Variants in EPHA7 observed in about 807,000 individuals in gnomAD.
EPHA7 encodes the protein ephrin type-A receptor 7.
EPHA7 carries 25 observed loss-of-function variants against 112.6 expected under a neutral mutation model. That is an observed-to-expected ratio of 0.22 (90% CI 0.16 to 0.31). The LOEUF (loss-of-function observed/expected upper bound fraction) is 0.31. Ranked by LOEUF, EPHA7 falls within the 10% of genes least tolerant of loss-of-function variation. EPHA7 has a pLI of 1.00. For missense variants in EPHA7, 962 were observed against 1,212.6 expected (o/e 0.79, Z 3.07); for synonymous variants, 437 against 406.5 (o/e 1.07, Z -0.90).
In EPHA7 at chr6:93,375,016, T is replaced by C. The variant is rs556219734; in HGVS notation, c.833-16605A>G. ...CAATCTGTTTAACTGCCTCATTATA[T>C]AAACCATGTAACTAAATGTCTGAAA... On this transcript the variant is annotated intron_variant, in intron 3 of 16. Transcript: ENST00000369303. Among the ~76,000 whole-genome samples the C allele has an allele frequency of 2.6e-5, 4 of 152,296 alleles. No individual in the cohort carries two copies. The East Asian group carries it at 5.8e-4, about 22-fold the overall frequency.
intron 1 of EPHA7, among the ~76,000 whole-genome samples, chr6:93,416,973 C>T (rs1326359210): frequency 6.6e-6 from 1 of 152,130 alleles, no homozygotes; most frequent in African/African-American, 2.4e-5. Context: ...TCCAGGGAGC[C>T]GGTGGCGCCC....
intron 5 of EPHA7, among the ~76,000 whole-genome samples, chr6:93,280,137 G>A (rs1033376413): frequency 6.6e-6 from 1 of 152,100 alleles, no homozygotes; most frequent in African/African-American, 2.4e-5. Flanking sequence ...GAACATGAAT[G>A]CTCACAAACA....
At chr6:93,418,175 G>T (rs1779339578) in intron 1 of EPHA7, among the ~76,000 whole-genome samples, 1 of 150,806 alleles carries the variant, frequency 6.6e-6, no homozygotes, top group African/African-American at 2.4e-5. Context: ...GACGGGATGA[G>T]GGGGGTTGGG....
At chr6:93,257,591 C>A (rs946275697) in intron 11 of EPHA7, 68 bp from the exon 12 acceptor site, 2 of 958,992 alleles carry the variant, frequency 2.1e-6, no homozygotes, top group Non-Finnish European at 3.2e-6. Flanking sequence ...TTTCTCATCC[C>A]CCAATAAAAC....
intron 3 of EPHA7, among the ~76,000 whole-genome samples, chr6:93,378,327 T>TA (rs2127967942): frequency 6.6e-6 from 1 of 152,150 alleles, no homozygotes; most frequent in South Asian, 2.1e-4. Flanking sequence ...TTTTAAAAGA[T>TA]AGTGTTATGA....
chr6:93,269,047 A>G lies in EPHA7; in HGVS notation c.1633+430T>C, dbSNP rs543510968. Among the ~76,000 whole-genome samples the G allele has an allele frequency of 2.6e-5, 4 of 151,938 alleles. No individual in the cohort carries two copies. In the South Asian group the frequency reaches 6.2e-4, roughly 24 times the overall value. ...TAAAGGGCAATTCACTTAAATTAAT[A>G]CAGGTTCTTAGATACCATCTTTCTC... On this transcript the variant is annotated intron_variant, in intron 7 of 16. Coordinates refer to ENST00000369303, the MANE Select transcript of EPHA7 (RefSeq NM_004440.4).
At chr6:93,387,669 T>C (rs1777680612) in intron 3 of EPHA7, among the ~76,000 whole-genome samples, 2 of 152,068 alleles carry the variant, frequency 1.3e-5, no homozygotes, top group African/African-American at 2.4e-5. Context: ...AGTAAACTTA[T>C]GATCATGGAG....
chr6:93,323,030 C>CA lies in EPHA7; in HGVS notation c.1324+33686dup, dbSNP rs113319073. On this transcript the variant is annotated intron_variant, in intron 5 of 16. Transcript: ENST00000369303. ...ATTAATATGGTATTCAAAGGGGAAA[C>CA]AAAAAAAAGATGTGAAAACTTTTTG... is the stretch of plus-strand genomic sequence containing the variant. Among the ~76,000 whole-genome samples, 754 of 150,890 alleles carry CA rather than the reference C, an allele frequency of 5.0e-3. 12 individuals carry two copies. Among genetic ancestry groups the CA allele is most frequent in the African/African-American group, 0.018 (727 of 41,292 alleles).
chr6:93,411,003 G>A lies in EPHA7; in HGVS notation c.330C>T (p.Asn110=). The change falls in exon 3 of 17, where the codon AAC becomes AAT. Residue 110 remains asparagine, a synonymous_variant. Transcript: ENST00000369303. ...VELKFTLRDC[N]SLPGVLGTCK... The stretch of plus-strand genomic sequence containing the variant: ...AAGTTCCCAGTACTCCAGGAAGACT[G>A]TTACAATCCCTCAGGGTGAATTTCA... 1 of 1,614,084 alleles carries A rather than the reference G, an allele frequency of 6.2e-7. No individual in the cohort carries two copies. Among genetic ancestry groups the A allele is most frequent in the Non-Finnish European group, 8.5e-7 (1 of 1,179,976 alleles).
At chr6:93,325,668 G>A (rs917764843) in intron 5 of EPHA7, among the ~76,000 whole-genome samples, 7 of 151,222 alleles carry the variant, frequency 4.6e-5, no homozygotes, top group African/African-American at 1.7e-4. Flanking sequence ...TCTTGGTATT[G>A]AAAACAGGTG....
At chr6:93,352,334 A>C (rs1372796552) in intron 5 of EPHA7, among the ~76,000 whole-genome samples, 1 of 152,144 alleles carries the variant, frequency 6.6e-6, no homozygotes, top group South Asian at 2.1e-4. Flanking sequence ...CTTCTGTGCT[A>C]CGATACTTAG....
chr6:93,386,599 C>G (rs1445922635), intron 3 of EPHA7, among the ~76,000 whole-genome samples: 1 of 152,148 alleles, frequency 6.6e-6, no homozygotes, highest in Non-Finnish European at 1.5e-5. Context: ...CCCAGCTCCA[C>G]TAGGCAATGC....
chr6:93,321,711 C>T (rs903078620), intron 5 of EPHA7, among the ~76,000 whole-genome samples: 3 of 151,870 alleles, frequency 2.0e-5, no homozygotes, highest in Non-Finnish European at 4.4e-5. Context: ...AGGAGATATT[C>T]CCTCTCCAGG....
In EPHA7 at chr6:93,259,360, C is replaced by G; in HGVS notation, c.1918G>C (p.Gly640Arg). 1 of 1,611,562 alleles carries G rather than the reference C, an allele frequency of 6.2e-7. No homozygotes were observed. Among genetic ancestry groups the G allele is most frequent in the Non-Finnish European group, 8.5e-7 (1 of 1,178,166 alleles). ...GAAGCTACAATAGCCTTACCTGCAC[C>G]AATCACACGCTCAATTTTAATACAG... ...ASCIKIERVI[G>R]AGEFGEVCSG... is the part of the protein sequence containing the mutation. The change falls in exon 10 of 17, where the codon GGT becomes CGT. Residue 640 changes from glycine to arginine, a missense_variant. By Grantham distance (125) the Gly-to-Arg change is moderately radical. Around this residue, in one of 3 missense-constraint regions of EPHA7, gnomAD observed 746 missense variants for 889.2 expected, o/e 0.84. Transcript: ENST00000369303.
chr6:93,383,210 T>C (rs1777429590), intron 3 of EPHA7, among the ~76,000 whole-genome samples: 2 of 151,728 alleles, frequency 1.3e-5, no homozygotes, highest in Admixed American at 6.6e-5. Context: ...TATATACATA[T>C]ATACATACAC....
Position 93,410,578 on chromosome 6 carries a change from G to T in EPHA7, c.755C>A (p.Ala252Glu), listed in dbSNP as rs2127994308. 6.2e-7 allele frequency: 1 copy of T among 1,613,970 alleles called. No homozygotes were observed. The highest frequency in any genetic ancestry group is 8.5e-7 in the Non-Finnish European group (1 of 1,179,942). The change falls in exon 3 of 17, where the codon GCA (alanine) becomes GAA (glutamate). Residue 252 changes from alanine (A) to glutamate (E), a missense_variant. Ala to Glu is a moderately radical substitution (Grantham distance 107). This residue lies in a region of EPHA7 where 160 missense variants were observed against 263.6 expected (regional missense o/e 0.61). Coordinates refer to ENST00000369303, the MANE Select transcript of EPHA7 (RefSeq NM_004440.4). The surrounding 1 kb of genome is among the most constrained non-coding windows in gnomAD (Gnocchi z 4.0). ...AATGGGCACTAACCATTCTCCTTCTGCACTGCAGTGCATCCTGGGGGCGTT... is the reference window on the plus strand; with the variant it reads ...AATGGGCACTAACCATTCTCCTTCTTCACTGCAGTGCATCCTGGGGGCGTT... ...AENAPRMHCSAEGEWLVPIGK... is the reference protein window; with the variant it reads ...AENAPRMHCSEEGEWLVPIGK...
intron 3 of EPHA7, among the ~76,000 whole-genome samples, chr6:93,378,579 C>T (rs1270419513): frequency 6.6e-6 from 1 of 152,026 alleles, no homozygotes; most frequent in Non-Finnish European, 1.5e-5. Context: ...ATCCAGAATA[C>T]ATCAAGCAGA....
At chr6:93,353,783 C>T (rs1430342714) in intron 5 of EPHA7, among the ~76,000 whole-genome samples, 3 of 151,628 alleles carry the variant, frequency 2.0e-5, no homozygotes, top group Admixed American at 2.0e-4. Context: ...ATGTATATAC[C>T]TCATAGTGGT....
chr6:93,415,015 G>T (rs563344319), intron 1 of EPHA7, among the ~76,000 whole-genome samples: 8 of 152,040 alleles, frequency 5.3e-5, no homozygotes, highest in African/African-American at 1.7e-4. Context: ...ATCTTAAAAT[G>T]CAATATTAGA....
Sources: allele counts gnomAD v4.1 joint callset (sites outside exome capture counted in the v4.1 genomes callset), GRCh38; gene constraint gnomAD v4.1.1; regional missense constraint gnomAD v4.1.1; non-coding constraint Gnocchi (gnomAD v3.1); transcripts MANE v1.5; gene names NCBI Gene and HGNC (gene_info 2026-07-23, HGNC 2026-07-21).